Variants in NCOA2 observed in about 807,000 individuals in gnomAD.
NCOA2 encodes the protein class E basic helix-loop-helix protein 75.
Under a neutral mutation model 145.1 loss-of-function variants are expected in NCOA2, and 21 were observed. The observed-to-expected ratio is 0.14, with a 90% CI of 0.10 to 0.21. The LOEUF is 0.21. Ranked by LOEUF, NCOA2 falls within the 10% of genes least tolerant of loss-of-function variation. NCOA2 has a pLI of 1.00. For missense variants in NCOA2, 1,472 were observed against 1,837.6 expected (o/e 0.80, Z 3.64); for synonymous variants, 619 against 637.5 (o/e 0.97, Z 0.44).
intron 1 of NCOA2, among the ~76,000 whole-genome samples, chr8:70,379,447 C>T (rs144879503): frequency 5.3e-5 from 8 of 152,174 alleles, no homozygotes; most frequent in African/African-American, 1.9e-4. Flanking sequence ...AGTTCCCTAG[C>T]AGACTTCTGC....
At chr8:70,399,113 G>A (rs535391657) in intron 1 of NCOA2, among the ~76,000 whole-genome samples, 1 of 152,102 alleles carries the variant, frequency 6.6e-6, no homozygotes, top group Non-Finnish European at 1.5e-5. Flanking sequence ...ATAAAGATGT[G>A]TTTTCTTTAT....
At chr8:70,235,688 T>A (rs759666761) in intron 2 of NCOA2, among the ~76,000 whole-genome samples, 19 of 151,670 alleles carry the variant, frequency 1.3e-4, no homozygotes, top group Non-Finnish European at 2.6e-4. Context: ...TACAAAAAGA[T>A]CAAAAATTAG....
intron 2 of NCOA2, among the ~76,000 whole-genome samples, chr8:70,271,840 C>T (rs980091494): frequency 1.3e-5 from 2 of 152,202 alleles, no homozygotes; most frequent in Non-Finnish European, 2.9e-5. Flanking sequence ...ACCTTCTACA[C>T]ATTAAACTAA....
intron 15 of NCOA2, among the ~76,000 whole-genome samples, chr8:70,137,613 G>A (rs1178654422): frequency 2.0e-5 from 3 of 152,350 alleles, no homozygotes; most frequent in Middle Eastern, 3.4e-3. Context: ...TGGACTGTGA[G>A]AAACCACCAC....
chr8:70,151,794 A>T (rs1484324449), intron 11 of NCOA2, among the ~76,000 whole-genome samples: 1 of 152,172 alleles, frequency 6.6e-6, no homozygotes, highest in Admixed American at 6.5e-5. Context: ...ATTTAACATT[A>T]ATTGTCGTAA....
Position 70,166,635 on chromosome 8 carries a change from G to A in NCOA2, c.661C>T (p.His221Tyr). The change falls in exon 7 of 23, where the codon CAT (histidine) becomes TAT (tyrosine). Residue 221 changes from histidine (H) to tyrosine (Y), a missense_variant. Around this residue, in one of 4 missense-constraint regions of NCOA2, gnomAD observed 284 missense variants for 467.8 expected, o/e 0.61. Transcript: ENST00000452400. Reference protein sequence around the residue: ...EEEGHDNQEAHQKYETMQCFA... With the variant: ...EEEGHDNQEAYQKYETMQCFA... Reference sequence around the variant, plus strand: ...CACTGCATAGTTTCATATTTCTGATGAGCTTCCTGGTTATCATGACCCTCC... The same window carrying A: ...CACTGCATAGTTTCATATTTCTGATAAGCTTCCTGGTTATCATGACCCTCC... 1 of 1,613,974 alleles carries A rather than the reference G, an allele frequency of 6.2e-7. No individual in the cohort carries two copies. The highest frequency in any genetic ancestry group is 1.1e-5 in the South Asian group (1 of 91,068).
chr8:70,215,411 G>T (rs576432566), intron 3 of NCOA2, among the ~76,000 whole-genome samples: 2 of 152,312 alleles, frequency 1.3e-5, no homozygotes, highest in Admixed American at 1.3e-4. Context: ...TAGGGCTCCT[G>T]ACTATTAAAG....
the NCOA2 span, among the ~76,000 whole-genome samples, chr8:70,410,504 T>A: frequency 6.6e-6 from 1 of 152,160 alleles, no homozygotes; most frequent in Admixed American, 6.5e-5. Flanking sequence ...CTTTTTTATT[T>A]ATTTATTTAT....
intron 1 of NCOA2, among the ~76,000 whole-genome samples, chr8:70,339,356 C>T (rs935240779): frequency 4.6e-5 from 7 of 152,022 alleles, no homozygotes; most frequent in African/African-American, 1.4e-4. Flanking sequence ...AATAAAATAC[C>T]TAGGAATACA....
At chr8:70,131,295 C>T (rs1809070846) in intron 16 of NCOA2, among the ~76,000 whole-genome samples, 1 of 152,004 alleles carries the variant, frequency 6.6e-6, no homozygotes, top group African/African-American at 2.4e-5. Flanking sequence ...CTGGGCTAAA[C>T]CATAAGTGAA....
At chr8:70,347,452 T>TCTAG (rs1325544516) in intron 1 of NCOA2, among the ~76,000 whole-genome samples, 1 of 150,688 alleles carries the variant, frequency 6.6e-6, no homozygotes, top group Non-Finnish European at 1.5e-5. Flanking sequence ...GCCATTGCAC[T>TCTAG]CTAGCCTGGA....
chr8:70,373,315 C>T (rs1253029074), intron 1 of NCOA2, among the ~76,000 whole-genome samples: 1 of 152,156 alleles, frequency 6.6e-6, no homozygotes, highest in East Asian at 1.9e-4. Context: ...TTTTAATTTG[C>T]ATTTCCCTGA....
intron 1 of NCOA2, among the ~76,000 whole-genome samples, chr8:70,344,603 G>C (rs1342579039): frequency 1.3e-5 from 2 of 152,176 alleles, no homozygotes; most frequent in African/African-American, 4.8e-5. Flanking sequence ...ATGGTGAGCT[G>C]TTTCTGGAGG....
intron 1 of NCOA2, among the ~76,000 whole-genome samples, chr8:70,403,053 T>G (rs894071488): frequency 7.1e-6 from 1 of 141,840 alleles, no homozygotes; most frequent in Non-Finnish European, 1.5e-5. Flanking sequence ...CGCCCCGCGC[T>G]GCAGCTCGCC....
At chr8:70,272,432 C>A (rs1825121628) in intron 2 of NCOA2, among the ~76,000 whole-genome samples, 2 of 152,212 alleles carry the variant, frequency 1.3e-5, no homozygotes. Context: ...TCCCTTAATT[C>A]TTCTGTGTCA....
chr8:70,252,571 G>C (rs1272431654), intron 2 of NCOA2, among the ~76,000 whole-genome samples: 1 of 152,034 alleles, frequency 6.6e-6, no homozygotes, highest in Non-Finnish European at 1.5e-5. Context: ...CCATTCTCTG[G>C]TTCTCCTATG....
At chr8:70,359,008 T>C (rs1272635621) in intron 1 of NCOA2, among the ~76,000 whole-genome samples, 1 of 152,142 alleles carries the variant, frequency 6.6e-6, no homozygotes, top group Non-Finnish European at 1.5e-5. Flanking sequence ...GAAATTTAAA[T>C]AAAAACTGCA....
At chr8:70,426,481 C>T in the NCOA2 span, among the ~76,000 whole-genome samples, 2 of 152,092 alleles carry the variant, frequency 1.3e-5, no homozygotes, top group Non-Finnish European at 2.9e-5. Flanking sequence ...GGAATATAAA[C>T]TAAGAACTGA....
At chr8:70,196,881 T>A (rs528840768) in intron 4 of NCOA2, among the ~76,000 whole-genome samples, 1 of 152,334 alleles carries the variant, frequency 6.6e-6, no homozygotes, top group South Asian at 2.1e-4. Flanking sequence ...CGCTTTGGGT[T>A]CTAGTTTGTC....
Sources: gnomAD v4.1 joint callset for allele counts (sites outside exome capture counted in the v4.1 genomes callset) on GRCh38, gnomAD v4.1.1 for gene constraint, gnomAD v4.1.1 regional missense constraint, MANE v1.5 for transcripts, NCBI Gene and HGNC (gene_info 2026-07-23, HGNC 2026-07-21) for gene names.